The following SLC16A7 variants were observed in gnomAD, a reference collection of about 807,000 sequenced individuals.
SLC16A7 encodes the protein solute carrier family 16 member 7.
Under a neutral mutation model 34.9 loss-of-function variants are expected in SLC16A7, and 33 were observed. The observed-to-expected ratio is 0.94, with a 90% CI of 0.72 to 1.26. The LOEUF (loss-of-function observed/expected upper bound fraction) is 1.26. Among genes scored for constraint, SLC16A7 ranks in the 50% most tolerant of loss-of-function variants. SLC16A7 has a pLI of 0.00. For synonymous variants in SLC16A7, 201 were observed against 206.6 expected (o/e 0.97, Z 0.23); for missense variants, 573 against 578.1 (o/e 0.99, Z 0.09).
intron 2 of SLC16A7, among the ~76,000 whole-genome samples, chr12:59,682,438 G>A (rs1054363407): frequency 3.9e-5 from 6 of 152,072 alleles, no homozygotes; most frequent in East Asian, 1.9e-4. Flanking sequence ...TGTATTAGAC[G>A]CTATAGTGAA....
At chr12:59,637,207 G>A (rs1689121671) in intron 1 of SLC16A7, among the ~76,000 whole-genome samples, 1 of 152,040 alleles carries the variant, frequency 6.6e-6, no homozygotes, top group Admixed American at 6.6e-5. Context: ...AAACCAACAT[G>A]TCACACATAT....
rs1370497074 is a variant in SLC16A7 at position 59,786,991 on chromosome 12, G to A, written c.*7312G>A. 6.6e-6 allele frequency: 1 copy of A among 152,004 alleles called. No individual in the cohort carries two copies. The highest frequency in any genetic ancestry group is 1.9e-4 in the East Asian group (1 of 5,200). The allele number at this position is 152,004 out of a possible 1,614,324, so 9.4% of individuals were successfully genotyped here. The stretch of plus-strand genomic sequence containing the variant: ...TGAAGACTATTTCCTGATTGCCACG[G>A]CAGATAATTCGTGGCAAATCAGAAA... On this transcript the variant is annotated 3_prime_UTR_variant, in exon 6 of 6. Transcript: ENST00000547379.
chr12:59,773,621 G>A (rs1014427372), intron 4 of SLC16A7, among the ~76,000 whole-genome samples: 6 of 151,648 alleles, frequency 4.0e-5, no homozygotes, highest in African/African-American at 1.5e-4. Flanking sequence ...CTGGAGTGCA[G>A]TGGCATGATC....
chr12:59,788,667 G>A lies in SLC16A7; in HGVS notation c.*8988G>A, dbSNP rs1883787907. On this transcript the variant is annotated 3_prime_UTR_variant, in exon 6 of 6. Coordinates refer to ENST00000547379, the MANE Select transcript of SLC16A7 (RefSeq NM_001270623.2). Reference sequence around the variant, plus strand: ...CTTCTTACACATGAATGTACTTAAAGTATTGTTATGTGATCTTGGGATACT... The same window carrying A: ...CTTCTTACACATGAATGTACTTAAAATATTGTTATGTGATCTTGGGATACT... The A allele has an allele frequency of 6.6e-6, 1 of 151,816 alleles. No individual in the cohort carries two copies. The highest frequency in any genetic ancestry group is 2.4e-5 in the African/African-American group (1 of 41,338). 9.4% of individuals were successfully genotyped at this position (151,816 alleles called of 1,614,324 possible).
In SLC16A7 at chr12:59,677,271, G is replaced by T. The variant is rs1163061367; in HGVS notation, c.-31+22021G>T. ...GGTAGGCCAGAGGCATATTGGAAGG[G>T]GTAACACTTAAACTGGAAAAATTTG... On this transcript the variant is annotated intron_variant, in intron 2 of 5. Coordinates refer to ENST00000547379, the MANE Select transcript of SLC16A7 (RefSeq NM_001270623.2). 2.0e-5 allele frequency among the ~76,000 whole-genome samples: 3 copies of T among 151,786 alleles called. 1 individual carries two copies. The highest frequency in any genetic ancestry group is 2.0e-4 in the Admixed American group (3 of 15,226).
chr12:59,673,170 T>A (rs553172735), intron 2 of SLC16A7, among the ~76,000 whole-genome samples: 1 of 152,314 alleles, frequency 6.6e-6, no homozygotes, highest in African/African-American at 2.4e-5. Context: ...GTCAGAACGA[T>A]TTTGCTACAT....
chr12:59,688,208 G>A (rs1871305438), intron 2 of SLC16A7, among the ~76,000 whole-genome samples: 1 of 151,942 alleles, frequency 6.6e-6, no homozygotes, highest in Admixed American at 6.6e-5. Context: ...AGTCATTGGG[G>A]AAGCACATAG....
At chr12:59,722,875 A>G (rs1199696419) in intron 3 of SLC16A7, among the ~76,000 whole-genome samples, 1 of 151,950 alleles carries the variant, frequency 6.6e-6, no homozygotes, top group East Asian at 1.9e-4. Flanking sequence ...GAAATGTTCT[A>G]TAAATCTGAT....
At chr12:59,647,763 G>T (rs1481265021) in intron 1 of SLC16A7, among the ~76,000 whole-genome samples, 1 of 152,082 alleles carries the variant, frequency 6.6e-6, no homozygotes, top group Non-Finnish European at 1.5e-5. Flanking sequence ...AGCCAGGTTA[G>T]TTGGGAGTGT....
chr12:59,670,410 AT>A (rs140462038), intron 2 of SLC16A7, among the ~76,000 whole-genome samples: 5,756 of 152,040 alleles, frequency 0.038, 162 homozygotes, highest in East Asian at 0.1. Flanking sequence ...CTGCCTTCCA[AT>A]CCACCCCCCC....
intron 1 of SLC16A7, among the ~76,000 whole-genome samples, chr12:59,602,017 A>C (rs1878707424): frequency 6.6e-6 from 1 of 152,224 alleles, no homozygotes; most frequent in African/African-American, 2.4e-5. Context: ...ACAATCAAAA[A>C]TGCCTCTCTA....
intron 3 of SLC16A7, among the ~76,000 whole-genome samples, chr12:59,713,694 C>T (rs536855069): frequency 1.4e-4 from 21 of 152,270 alleles, no homozygotes; most frequent in African/African-American, 4.6e-4. Context: ...CCTAAGGGGA[C>T]GCCCTGGCAA....
intron 1 of SLC16A7, among the ~76,000 whole-genome samples, chr12:59,630,706 T>C (rs1880143477): frequency 6.6e-6 from 1 of 151,940 alleles, no homozygotes; most frequent in Non-Finnish European, 1.5e-5. Flanking sequence ...TATATATGCA[T>C]CAAATTTCTA....
intron 3 of SLC16A7, among the ~76,000 whole-genome samples, chr12:59,734,901 A>G (rs1758117530): frequency 1.3e-5 from 2 of 152,228 alleles, no homozygotes; most frequent in South Asian, 4.1e-4. Flanking sequence ...CTATAAATTC[A>G]TGCATTTATG....
intron 2 of SLC16A7, among the ~76,000 whole-genome samples, chr12:59,696,239 T>G (rs534073557): frequency 4.6e-5 from 7 of 152,138 alleles, no homozygotes; most frequent in African/African-American, 1.7e-4. Flanking sequence ...TTTAGTCATA[T>G]CTTAGTTCTA....
chr12:59,614,341 A>G (rs1338596176), intron 1 of SLC16A7, among the ~76,000 whole-genome samples: 2 of 152,088 alleles, frequency 1.3e-5, no homozygotes, highest in Non-Finnish European at 2.9e-5. Flanking sequence ...CTGGCCAAGA[A>G]ACATTTTTAC....
chr12:59,759,197 T>G (rs1880743159), intron 3 of SLC16A7, among the ~76,000 whole-genome samples: 1 of 151,964 alleles, frequency 6.6e-6, no homozygotes, highest in Admixed American at 6.6e-5. Context: ...TAGGGTAGAG[T>G]GTGAAGAAGT....
chr12:59,609,196 G>T (rs1461587767), intron 1 of SLC16A7, among the ~76,000 whole-genome samples: 1 of 152,226 alleles, frequency 6.6e-6, no homozygotes, highest in Non-Finnish European at 1.5e-5. Context: ...AGATGGCAAA[G>T]GATGGATGCT....
chr12:59,783,344 A>C lies in SLC16A7; in HGVS notation c.*3665A>C, dbSNP rs1236177351. The C allele has an allele frequency of 6.6e-6, 1 of 152,202 alleles. No individual in the cohort carries two copies. The highest frequency in any genetic ancestry group is 1.9e-4 in the East Asian group (1 of 5,186). The allele number at this position is 152,202 out of a possible 1,614,324, so 9.4% of individuals were successfully genotyped here. A position where few individuals can be genotyped will look rare whatever the true frequency, so the allele number is the denominator to read the frequency against. Reference sequence around the variant, plus strand: ...AAACCAAAACCATGGCAGAATTATTACTAGCTTGATATGACAGATGAGTGA... The same window carrying C: ...AAACCAAAACCATGGCAGAATTATTCCTAGCTTGATATGACAGATGAGTGA... On this transcript the variant is annotated 3_prime_UTR_variant, in exon 6 of 6. Transcript: ENST00000547379.
Sources: allele counts gnomAD v4.1 joint callset (sites outside exome capture counted in the v4.1 genomes callset), GRCh38; gene constraint gnomAD v4.1.1; transcripts MANE v1.5; gene names NCBI Gene and HGNC (gene_info 2026-07-23, HGNC 2026-07-21).